The following ARHGAP26 variants were observed in gnomAD, a reference collection of about 807,000 sequenced individuals.
ARHGAP26 encodes Rho GTPase activating protein 26.
In ARHGAP26, 38 loss-of-function variants were observed where a neutral mutation model predicts 104.8. The ratio of observed to expected loss-of-function variants is 0.36; its 90% CI spans 0.28 to 0.48. The LOEUF is 0.48. Among genes scored for constraint, ARHGAP26 ranks in the 20% least tolerant of loss-of-function variants. ARHGAP26 has a pLI of 0.99. For synonymous variants in ARHGAP26, 341 were observed against 340.0 expected (o/e 1.00, Z -0.03); for missense variants, 704 against 947.9 (o/e 0.74, Z 3.38).
chr5:143,112,096 C>T (rs1794847075), intron 17 of ARHGAP26, among the ~76,000 whole-genome samples: 1 of 152,160 alleles, frequency 6.6e-6, no homozygotes, highest in African/African-American at 2.4e-5. Flanking sequence ...TCTTGGAGCT[C>T]TGCTAAGTAG....
intron 1 of ARHGAP26, among the ~76,000 whole-genome samples, chr5:142,786,240 C>T (rs1205676031): frequency 6.6e-6 from 1 of 151,986 alleles, no homozygotes; most frequent in Non-Finnish European, 1.5e-5. Flanking sequence ...CCTTGGCCTC[C>T]CAAAGTGCTG....
Position 142,844,770 on chromosome 5 carries a change from G to A in ARHGAP26, c.155-28630G>A, listed in dbSNP as rs185952878. Reference sequence around the variant, plus strand: ...CTTGGGAGGCGGAGGCAAGAGAATCGCTTGAATCTGGGAGGTGGAGGTTGC... The same window carrying A: ...CTTGGGAGGCGGAGGCAAGAGAATCACTTGAATCTGGGAGGTGGAGGTTGC... On this transcript the variant is annotated intron_variant, in intron 1 of 22. Transcript: ENST00000645722. Among the ~76,000 whole-genome samples, 24 of 151,018 alleles carry A rather than the reference G, an allele frequency of 1.6e-4. No homozygotes were observed. In the East Asian group the frequency reaches 4.5e-3, roughly 28 times the overall value.
chr5:143,213,714 T>G (rs543296853), intron 21 of ARHGAP26, among the ~76,000 whole-genome samples: 1 of 152,316 alleles, frequency 6.6e-6, no homozygotes, highest in East Asian at 1.9e-4. Context: ...TCCCGCTGTT[T>G]GGCTGTTGTA....
At chr5:143,055,363 A>G (rs1301065508) in intron 15 of ARHGAP26, among the ~76,000 whole-genome samples, 1 of 152,242 alleles carries the variant, frequency 6.6e-6, no homozygotes, top group Non-Finnish European at 1.5e-5. Context: ...GTAAGATATA[A>G]TGTAAGTGTT....
intron 12 of ARHGAP26, among the ~76,000 whole-genome samples, chr5:143,028,527 A>T (rs1562288674): frequency 6.6e-6 from 1 of 152,214 alleles, no homozygotes; most frequent in African/African-American, 2.4e-5. Context: ...TTTCATTCAA[A>T]TATTAGGATA....
At chr5:143,150,627 C>T (rs373945318) in intron 20 of ARHGAP26, among the ~76,000 whole-genome samples, 1 of 152,186 alleles carries the variant, frequency 6.6e-6, no homozygotes. Context: ...TCCTCTGGTA[C>T]CACTACCACC....
At chr5:142,811,298 C>T (rs543752226) in intron 1 of ARHGAP26, among the ~76,000 whole-genome samples, 106 of 152,252 alleles carry the variant, frequency 7.0e-4, no homozygotes, top group African/African-American at 2.4e-3. Flanking sequence ...ATATTGCCAG[C>T]GCTGAAGCAG....
chr5:142,834,350 T>C (rs556099590), intron 1 of ARHGAP26, among the ~76,000 whole-genome samples: 5 of 152,326 alleles, frequency 3.3e-5, no homozygotes, highest in Admixed American at 2.0e-4. Context: ...TCTTCCTGAG[T>C]TCCAGCAACT....
intron 1 of ARHGAP26, among the ~76,000 whole-genome samples, chr5:142,843,367 T>C (rs993643833): frequency 5.3e-5 from 8 of 152,194 alleles, no homozygotes; most frequent in Non-Finnish European, 7.3e-5. Context: ...CATGGGCTCA[T>C]TGAAGCAACT....
At chr5:143,155,956 CT>C (rs1182173398) in intron 20 of ARHGAP26, among the ~76,000 whole-genome samples, 2 of 152,092 alleles carry the variant, frequency 1.3e-5, no homozygotes, top group African/African-American at 4.8e-5. Context: ...CCTTATGACA[CT>C]GTATTTTATT....
At chr5:143,043,116 G>A (rs1050263404) in intron 14 of ARHGAP26, among the ~76,000 whole-genome samples, 3 of 152,088 alleles carry the variant, frequency 2.0e-5, no homozygotes, top group Non-Finnish European at 2.9e-5. Context: ...CCAAAATATT[G>A]GCATTAATTT....
chr5:142,942,246 T>G (rs1766465934), intron 11 of ARHGAP26, among the ~76,000 whole-genome samples: 1 of 152,208 alleles, frequency 6.6e-6, no homozygotes, highest in Admixed American at 6.5e-5. Context: ...GAGATTACAT[T>G]TTTTGTGCCA....
At chr5:143,194,773 A>G (rs1388580627) in intron 20 of ARHGAP26, among the ~76,000 whole-genome samples, 1 of 152,232 alleles carries the variant, frequency 6.6e-6, no homozygotes, top group Non-Finnish European at 1.5e-5. Context: ...AAAATCATTT[A>G]AAGTTTTTTC....
At chr5:142,772,411 G>A (rs1442229235) in intron 1 of ARHGAP26, among the ~76,000 whole-genome samples, 1 of 152,220 alleles carries the variant, frequency 6.6e-6, no homozygotes, top group South Asian at 2.1e-4. Flanking sequence ...CCCACTTACA[G>A]GTTGGGCCCA....
At chr5:143,184,213 A>C (rs1387606999) in intron 20 of ARHGAP26, among the ~76,000 whole-genome samples, 2 of 152,194 alleles carry the variant, frequency 1.3e-5, no homozygotes, top group Non-Finnish European at 2.9e-5. Flanking sequence ...CCAAGTCTGA[A>C]ATGCCAGCTG....
At chr5:143,014,656 T>A (rs764213875) in intron 12 of ARHGAP26, among the ~76,000 whole-genome samples, 7 of 152,220 alleles carry the variant, frequency 4.6e-5, no homozygotes, top group Non-Finnish European at 7.3e-5. Context: ...CTGGGCAGCC[T>A]CTGTAGACTG....
intron 6 of ARHGAP26, among the ~76,000 whole-genome samples, chr5:142,898,991 G>T (rs188290987): frequency 8.5e-5 from 13 of 152,308 alleles, no homozygotes; most frequent in South Asian, 2.1e-4. Flanking sequence ...AACCTGCAGT[G>T]AAAGGTGACT....
intron 12 of ARHGAP26, among the ~76,000 whole-genome samples, chr5:143,022,805 T>A (rs550468593): frequency 6.6e-6 from 1 of 152,344 alleles, no homozygotes; most frequent in East Asian, 1.9e-4. Flanking sequence ...ACTCAAACCC[T>A]AGCCTGCCTC....
At chr5:142,993,169 T>G in intron 11 of ARHGAP26, among the ~76,000 whole-genome samples, 1 of 145,828 alleles carries the variant, frequency 6.9e-6, no homozygotes, top group East Asian at 2.0e-4. Flanking sequence ...TTTTTTTTTT[T>G]TTTTTTTTTT....
Sources: gnomAD v4.1 joint callset for allele counts (sites outside exome capture counted in the v4.1 genomes callset) on GRCh38, gnomAD v4.1.1 for gene constraint, MANE v1.5 for transcripts, NCBI Gene and HGNC (gene_info 2026-07-23, HGNC 2026-07-21) for gene names.